Variants in POP4 observed in about 807,000 individuals in gnomAD.
POP4 encodes the protein POP4 ribonuclease P/MRP subunit, also known as ribonuclease P protein subunit p29.
Under a neutral mutation model 29.9 loss-of-function variants are expected in POP4, and 31 were observed. The observed-to-expected ratio is 1.04, with a 90% confidence interval of 0.78 to 1.40. The LOEUF (loss-of-function observed/expected upper bound fraction) is 1.40, where lower values mean the gene tolerates loss of function less well. Ranked by LOEUF, POP4 falls within the 40% of genes most tolerant of loss-of-function variation. The pLI is 0.00. For synonymous variants in POP4, 110 were observed against 108.2 expected (o/e 1.02, Z -0.10); for missense variants, 286 against 282.7 (o/e 1.01, Z -0.08).
chr19:29,612,468 C>T (rs761720728), intron 5 of POP4, among the ~76,000 whole-genome samples: 2 of 152,176 alleles, frequency 1.3e-5, no homozygotes, highest in African/African-American at 4.8e-5. Context: ...CACTCACCCA[C>T]GGCCTGGGAT....
At chr19:29,606,421 G>A in intron 1 of POP4, 96 bp downstream of exon 1, 1 of 1,410,930 alleles carries the variant, frequency 7.1e-7, no homozygotes, top group Non-Finnish European at 9.4e-7. Context: ...CTGTTGCTGC[G>A]GAGTCCTAAC....
chr19:29,606,361 C>G lies in POP4; in HGVS notation c.7+36C>G, dbSNP rs2303754. On this transcript the variant is annotated intron_variant, in intron 1 of 6. Coordinates refer to ENST00000585603, the MANE Select transcript of POP4 (RefSeq NM_006627.3). ...CCGCGAAGTTGGAGAGGGTTGGGGACGTTAAGGGTCGGGGTCTTGGTACTG... is the reference window on the plus strand; with the variant it reads ...CCGCGAAGTTGGAGAGGGTTGGGGAGGTTAAGGGTCGGGGTCTTGGTACTG... 0.49 allele frequency: 784,284 copies of G among 1,590,090 alleles called. 196,327 individuals carry two copies. Among genetic ancestry groups the G allele is most frequent in the East Asian group, 0.79 (33,969 of 42,870 alleles).
intron 3 of POP4, chr19:29,610,970 T>C (rs1971061634): frequency 1.5e-5 from 4 of 265,432 alleles, no homozygotes; most frequent in Non-Finnish European, 2.9e-5. Flanking sequence ...TAGCTTTTGA[T>C]AGAGCCAGAC....
chr19:29,608,779 C>A, intron 2 of POP4, 70 bp downstream of exon 2: 1 of 1,387,802 alleles, frequency 7.2e-7, no homozygotes, highest in South Asian at 1.2e-5. Context: ...CTTCTGAGCC[C>A]CCAGCACTGA....
At chr19:29,612,637 C>T (rs1290389561) in intron 5 of POP4, among the ~76,000 whole-genome samples, 4 of 152,284 alleles carry the variant, frequency 2.6e-5, no homozygotes, top group African/African-American at 4.8e-5. Context: ...GTTCAGGGGG[C>T]ATCTCAGACT....
chr19:29,613,271 G>A, intron 5 of POP4: 1 of 152,782 alleles, frequency 6.5e-6, no homozygotes, highest in Non-Finnish European at 1.5e-5. Flanking sequence ...TAGAACCCGG[G>A]CTCCGTGAGA....
In POP4 at chr19:29,616,773, C is replaced by G. The variant is rs758013969; in HGVS notation, c.*1393C>G. ...TCTCCCCCAAGCAGCACGCAGTCAC[C>G]GCTGCCAGTGATGAACACACGCACG... is the stretch of plus-strand genomic sequence containing the variant. On this transcript the variant is annotated 3_prime_UTR_variant, in exon 7 of 7. Transcript: ENST00000585603. The G allele has an allele frequency of 2.0e-5, 3 of 152,262 alleles. No individual in the cohort carries two copies. The highest frequency in any genetic ancestry group is 4.4e-5 in the Non-Finnish European group (3 of 68,106). The allele number at this position is 152,262 out of a possible 1,614,324, so 9.4% of individuals were successfully genotyped here.
chr19:29,611,906 T>A lies in POP4; in HGVS notation c.329T>A (p.Ile110Asn), dbSNP rs1568294971. 1 of 1,614,174 alleles carries A rather than the reference T, an allele frequency of 6.2e-7. No homozygotes were observed. Among genetic ancestry groups the A allele is most frequent in the Non-Finnish European group, 8.5e-7 (1 of 1,180,024 alleles). ...CTCCATGAACTCTGGAAACAGTACA[T>A]CAGGGACCTGTGCAGTGGGCTCAAG... ...LPLHELWKQY[I>N]RDLCSGLKPD... The change falls in exon 4 of 7, where the codon ATC (isoleucine) becomes AAC (asparagine). Residue 110 changes from isoleucine to asparagine, a missense_variant. Coordinates refer to ENST00000585603, the MANE Select transcript of POP4 (RefSeq NM_006627.3).
At position 29,610,299 on chromosome 19, in the gene POP4, G is replaced by A; in HGVS notation, c.61-110G>A. ...TGAGAGCCTCAGTAGGTAAAGGGAT[G>A]GGCCCCATTTGCTCTTGCAGTAGCT... is the stretch of plus-strand genomic sequence containing the variant. On this transcript the variant is annotated intron_variant, in intron 2 of 6. Transcript: ENST00000585603. The A allele has an allele frequency of 4.1e-6, 4 of 974,728 alleles. No homozygotes were observed. The South Asian group carries it at 6.8e-5, about 17-fold the overall frequency. The allele number at this position is 974,728 out of a possible 1,614,324, so 60.4% of individuals were successfully genotyped here.
chr19:29,610,592 A>C lies in POP4; in HGVS notation c.244A>C (p.Arg82=), dbSNP rs1310340126. 1 of 1,614,172 alleles carries C rather than the reference A, an allele frequency of 6.2e-7. No individual in the cohort carries two copies. The highest frequency in any genetic ancestry group is 1.3e-5 in the African/African-American group (1 of 75,070). Residue 82 remains arginine (R), a synonymous_variant, in exon 3 of 7, where the codon AGG becomes CGG. Transcript: ENST00000585603. ...KAKGLSARQR[R]ELRLFDIKPE... ...CAAAGGCCTCTCTGCCAGGCAAAGG[A>C]GGGAGCTGCGGCTCTTTGACATTAA...
intron 2 of POP4, among the ~76,000 whole-genome samples, chr19:29,609,504 C>T (rs148330724): frequency 6.6e-6 from 1 of 152,210 alleles, no homozygotes; most frequent in Non-Finnish European, 1.5e-5. Flanking sequence ...AGCCAGGAGA[C>T]AGGCCCTCAG....
intron 4 of POP4, 34 bp downstream of exon 4, chr19:29,611,973 G>A: frequency 6.2e-7 from 1 of 1,605,338 alleles, no homozygotes; most frequent in Non-Finnish European, 8.5e-7. Flanking sequence ...GCTCTTTGGG[G>A]TGGATCTCAA....
intron 3 of POP4, 112 bp downstream of exon 3, chr19:29,610,744 C>T (rs1421188806): frequency 1.9e-6 from 2 of 1,072,542 alleles, no homozygotes; most frequent in South Asian, 3.2e-5. Flanking sequence ...AAGGGGGCCT[C>T]TCTGTCGTCT....
At chr19:29,611,797 A>G in intron 3 of POP4, 65 bp from the exon 4 acceptor site, 2 of 1,357,618 alleles carry the variant, frequency 1.5e-6, no homozygotes, top group Admixed American at 1.7e-5. Flanking sequence ...GCTCTGTGCT[A>G]TTTGGACATT....
Position 29,615,263 on chromosome 19 carries a change from C to A in POP4, c.546C>A (p.Cys182Ter), listed in dbSNP as rs184488449. Residue 182 changes from cysteine (C) to a stop codon, truncating the protein, a stop_gained, in exon 7 of 7, where the codon TGC (cysteine) becomes TGA (stop). Transcript: ENST00000585603. LOFTEE classifies it high-confidence loss of function. ...TTTCAGTTATCCCCAAGCTAAACTG[C>A]GTGTTCACTGTGGAAACCGATGGCT... Reference protein sequence around the residue: ...DRLKVIPKLNCVFTVETDGFI... With the variant: ...DRLKVIPKLN 1 of 1,589,420 alleles carries A rather than the reference C, an allele frequency of 6.3e-7. No individual in the cohort carries two copies. Among genetic ancestry groups the A allele is most frequent in the South Asian group, 1.1e-5 (1 of 89,226 alleles).
rs746564656 is a variant in POP4 at position 29,610,424 on chromosome 19, CG to C, written c.79del (p.Ala27ProfsTer5). On this transcript the variant is annotated frameshift_variant, in exon 3 of 7. Transcript: ENST00000585603. LOFTEE classifies it high-confidence loss of function. ...CCGCCTGCAGCCTTCAGGAGCACAG[CG>C]GGCCGAGGCCTTCGTGAGGGCCTTC... ...DSDVQPSGAQ[R>X]AEAFVRAFLK... is the part of the protein sequence containing the mutation. The C allele has an allele frequency of 2.6e-6, 4 of 1,565,088 alleles. No individual in the cohort carries two copies. Among genetic ancestry groups the C allele is most frequent in the Admixed American group, 1.9e-5 (1 of 52,352 alleles).
rs1165182267 is a variant in POP4, at chr19:29,613,811, C to T, written c.425-60C>T. 9 of 1,551,884 alleles carry T rather than the reference C, an allele frequency of 5.8e-6. No individual in the cohort carries two copies. In the Admixed American group the frequency reaches 1.3e-4, roughly 22 times the overall value. On this transcript the variant is annotated intron_variant, in intron 5 of 6. Coordinates refer to ENST00000585603, the MANE Select transcript of POP4 (RefSeq NM_006627.3). ...CACCCCCAACCCCTGAGGCCTGCTTCTCTGTGGTTCCCCCAGCACCACAGA... is the reference window on the plus strand; with the variant it reads ...CACCCCCAACCCCTGAGGCCTGCTTTTCTGTGGTTCCCCCAGCACCACAGA...
intron 3 of POP4, among the ~76,000 whole-genome samples, chr19:29,611,344 C>T (rs1357457276): frequency 1.3e-5 from 2 of 152,198 alleles, no homozygotes; most frequent in Non-Finnish European, 2.9e-5. Context: ...TTTCTCTAAC[C>T]TAAGGCTTTG....
At chr19:29,606,912 T>C (rs1437411744) in intron 1 of POP4, among the ~76,000 whole-genome samples, 1 of 152,166 alleles carries the variant, frequency 6.6e-6, no homozygotes, top group East Asian at 1.9e-4. Flanking sequence ...AGAAAAAATA[T>C]GTGTACCTTG....
Sources: gnomAD v4.1 joint callset for allele counts (sites outside exome capture counted in the v4.1 genomes callset) on GRCh38, gnomAD v4.1.1 for gene constraint, MANE v1.5 for transcripts, NCBI Gene and HGNC (gene_info 2026-07-23, HGNC 2026-07-21) for gene names.